ZNRF3: variants seen among roughly 807,000 people sequenced by gnomAD.
ZNRF3 encodes the protein E3 ubiquitin-protein ligase ZNRF3.
Under a neutral mutation model 72.5 loss-of-function variants are expected in ZNRF3, and 23 were observed. That is an observed-to-expected ratio of 0.32 (90% CI 0.23 to 0.45). ZNRF3 has a LOEUF of 0.45. ZNRF3 is among the 20% of genes least tolerant of loss of function. The pLI is 1.00. For synonymous variants in ZNRF3, 610 were observed against 545.3 expected, an observed-to-expected ratio of 1.12 and a Z score of -1.65; for missense variants, 1,169 against 1,272.1, an observed-to-expected ratio of 0.92 and a Z score of 1.23.
At chr22:28,902,250 T>C (rs1461149945) in intron 1 of ZNRF3, among the ~76,000 whole-genome samples, 1 of 152,242 alleles carries the variant, frequency 6.6e-6, no homozygotes, top group Non-Finnish European at 1.5e-5. Flanking sequence ...TAACTTTCAT[T>C]CACCTGGTTT....
At chr22:29,044,713 A>C in intron 4 of ZNRF3, 67 bp from the exon 5 acceptor site, 1 of 1,097,172 alleles carries the variant, frequency 9.1e-7, no homozygotes, top group Non-Finnish European at 1.4e-6. Flanking sequence ...CAAAGCCAAG[A>C]TAGCCCATGT....
chr22:29,009,556 C>T (rs2036314414), intron 2 of ZNRF3, among the ~76,000 whole-genome samples: 1 of 152,122 alleles, frequency 6.6e-6, no homozygotes, highest in East Asian at 1.9e-4. Flanking sequence ...CATGATATTG[C>T]TGTGTATTAC....
chr22:29,018,055 G>A (rs764389685), intron 2 of ZNRF3: 1 of 519,016 alleles, frequency 1.9e-6, no homozygotes, highest in South Asian at 1.4e-5. Context: ...AGCATCTGGT[G>A]CTTGGAGGGC....
Position 29,055,388 on chromosome 22 carries a change from C to T in ZNRF3, c.*1766C>T, listed in dbSNP as rs2037281418. The T allele has an allele frequency of 6.6e-6, 1 of 152,202 alleles. No homozygotes were observed. The highest frequency in any genetic ancestry group is 1.5e-5 in the Non-Finnish European group (1 of 68,040). 9.4% of individuals were successfully genotyped at this position (152,202 alleles called of 1,614,324 possible). ...CCCCTGTGGGTAGGAGAACAAGGACCACCTGGGTTCTCCAGTCTTGAACGA... is the reference window on the plus strand; with the variant it reads ...CCCCTGTGGGTAGGAGAACAAGGACTACCTGGGTTCTCCAGTCTTGAACGA... On this transcript the variant is annotated 3_prime_UTR_variant, in exon 9 of 9. Transcript: ENST00000544604.
rs1474069367 is a variant in ZNRF3, at chr22:29,050,512, G to A, written c.2331G>A (p.Leu777=). Residue 777 remains leucine, a synonymous_variant, in exon 8 of 9, where the codon CTG becomes CTA. Transcript: ENST00000544604. ...CAGATGGGGTGAAATACGAGGGTCT[G>A]CCCTGCTGCTTCTATGAAGAGAAGC... The part of the protein sequence containing the change: ...PRTDGVKYEG[L]PCCFYEEKQV... 3.1e-6 allele frequency: 5 copies of A among 1,612,362 alleles called. No individual in the cohort carries two copies. Among genetic ancestry groups the A allele is most frequent in the Non-Finnish European group, 8.5e-7 (1 of 1,179,774 alleles).
intron 1 of ZNRF3, among the ~76,000 whole-genome samples, chr22:28,962,898 A>G (rs1286110010): frequency 1.3e-5 from 2 of 152,318 alleles, no homozygotes; most frequent in East Asian, 3.9e-4. Flanking sequence ...GCATTGAAGG[A>G]AGCCGTTTTA....
Position 29,050,645 on chromosome 22 carries a change from G to T in ZNRF3, c.2464G>T (p.Ala822Ser). 6.2e-7 allele frequency: 1 copy of T among 1,611,870 alleles called. No individual in the cohort carries two copies. The highest frequency in any genetic ancestry group is 8.5e-7 in the Non-Finnish European group (1 of 1,179,432). ...ACCACCGCCCGGCTGCTACCCCGGG[G>T]CCCGGGACCTGAGCCAGCGCATCCC... ...EEPPPGCYPG[A>S]RDLSQRIPII... is the part of the protein sequence containing the mutation. The change falls in exon 8 of 9, where the codon GCC (alanine) becomes TCC (serine). Residue 822 changes from alanine (A) to serine (S), a missense_variant. By Grantham distance (99) the Ala-to-Ser change is moderately conservative. Coordinates refer to ENST00000544604, the MANE Select transcript of ZNRF3 (RefSeq NM_001206998.2).
intron 1 of ZNRF3, among the ~76,000 whole-genome samples, chr22:28,964,117 CAGAT>C (rs1345364310): frequency 6.6e-6 from 1 of 152,076 alleles, no homozygotes; most frequent in African/African-American, 2.4e-5. Flanking sequence ...GAGTAGCTGT[CAGAT>C]GGATGGACAG....
At chr22:29,004,355 A>T (rs1448209221) in intron 2 of ZNRF3, among the ~76,000 whole-genome samples, 1 of 152,148 alleles carries the variant, frequency 6.6e-6, no homozygotes, top group Non-Finnish European at 1.5e-5. Flanking sequence ...TTAAATTGGA[A>T]CCCTGAAGTT....
chr22:28,941,412 A>T (rs1406844805), intron 1 of ZNRF3, among the ~76,000 whole-genome samples: 1 of 152,228 alleles, frequency 6.6e-6, no homozygotes, highest in Non-Finnish European at 1.5e-5. Context: ...ATGCAATTCT[A>T]AGCTTACCAA....
chr22:29,006,597 G>A (rs527265118), intron 2 of ZNRF3, among the ~76,000 whole-genome samples: 2 of 152,290 alleles, frequency 1.3e-5, no homozygotes, highest in African/African-American at 4.8e-5. Context: ...CTGTTGGAGT[G>A]TGGGTGGCCC....
rs776672907 is a variant in ZNRF3 at position 29,043,353 on chromosome 22, G to A, written c.556G>A (p.Ala186Thr). ...LKRPVVYVKG[A>T]DAIKLMNIVN... ...GAGGCCGGTGGTGTATGTGAAGGGT[G>A]CAGATGCCATTAAGCTGATGAACAT... is the stretch of plus-strand genomic sequence containing the variant. Residue 186 changes from alanine to threonine, a missense_variant, in exon 4 of 9, where the codon GCA becomes ACA. Coordinates refer to ENST00000544604, the MANE Select transcript of ZNRF3 (RefSeq NM_001206998.2). 2 of 1,614,010 alleles carry A rather than the reference G, an allele frequency of 1.2e-6. No individual in the cohort carries two copies. The highest frequency in any genetic ancestry group is 1.3e-5 in the African/African-American group (1 of 75,000).
intron 2 of ZNRF3, among the ~76,000 whole-genome samples, chr22:29,013,545 C>T (rs1317152297): frequency 6.6e-6 from 1 of 152,158 alleles, no homozygotes; most frequent in African/African-American, 2.4e-5. Flanking sequence ...GATTAAATGG[C>T]AAAATATGAT....
intron 1 of ZNRF3, among the ~76,000 whole-genome samples, chr22:28,966,025 C>A (rs1244961462): frequency 2.0e-5 from 3 of 152,212 alleles, no homozygotes; most frequent in African/African-American, 7.2e-5. Flanking sequence ...GACTTTACTG[C>A]ATAATAAATC....
chr22:28,930,101 C>CT (rs995927044), intron 1 of ZNRF3, among the ~76,000 whole-genome samples: 3 of 151,276 alleles, frequency 2.0e-5, no homozygotes, highest in African/African-American at 2.4e-5. Context: ...TAGAATTTTG[C>CT]TTTTTTTTGT....
chr22:28,892,259 C>A (rs2033901883), intron 1 of ZNRF3, among the ~76,000 whole-genome samples: 1 of 152,206 alleles, frequency 6.6e-6, no homozygotes, highest in Non-Finnish European at 1.5e-5. Context: ...AAGACTTGGT[C>A]CCTGCCTGCA....
At chr22:29,045,637 C>A (rs567605081) in intron 5 of ZNRF3, among the ~76,000 whole-genome samples, 3 of 151,984 alleles carry the variant, frequency 2.0e-5, no homozygotes, top group Non-Finnish European at 4.4e-5. Context: ...TACAGGCACC[C>A]GGCTAATTTT....
At chr22:28,884,744 C>G (rs2033744055) in intron 1 of ZNRF3, among the ~76,000 whole-genome samples, 1 of 152,204 alleles carries the variant, frequency 6.6e-6, no homozygotes, top group African/African-American at 2.4e-5. Flanking sequence ...CGGCCAAAGA[C>G]TGATGCGAAG....
intron 2 of ZNRF3, among the ~76,000 whole-genome samples, chr22:29,028,135 T>G (rs2036677593): frequency 6.6e-6 from 1 of 152,180 alleles, no homozygotes. Context: ...ACAACTTAGA[T>G]CCTTAAGAAT....
Sources: allele counts gnomAD v4.1 joint callset (sites outside exome capture counted in the v4.1 genomes callset), GRCh38; gene constraint gnomAD v4.1.1; transcripts MANE v1.5; gene names NCBI Gene and HGNC (gene_info 2026-07-23, HGNC 2026-07-21).